The following TSPAN9 variants were observed in gnomAD, a reference collection of about 807,000 sequenced individuals.
TSPAN9 encodes the protein tetraspanin 9.
In TSPAN9, 16 loss-of-function variants were observed where a neutral mutation model predicts 31.0. The ratio of observed to expected loss-of-function variants is 0.52; its 90% CI spans 0.35 to 0.78. The LOEUF is 0.78. Among genes scored for constraint, TSPAN9 ranks in the 30% least tolerant of loss-of-function variants. The pLI, the probability that TSPAN9 is intolerant of heterozygous loss-of-function variation, is 0.01. For missense variants in TSPAN9, 272 were observed against 312.5 expected, an observed-to-expected ratio of 0.87 and a Z score of 0.98; for synonymous variants, 145 against 121.6, an observed-to-expected ratio of 1.19 and a Z score of -1.27.
intron 2 of TSPAN9, among the ~76,000 whole-genome samples, chr12:3,183,798 G>C (rs779049986): frequency 6.6e-6 from 1 of 152,170 alleles, no homozygotes; most frequent in Non-Finnish European, 1.5e-5. Context: ...GAAGACCCGG[G>C]TTCCAGTCTA....
At chr12:3,090,768 GTAATGAGGAA>G (rs1443753506) in intron 2 of TSPAN9, among the ~76,000 whole-genome samples, 1 of 151,668 alleles carries the variant, frequency 6.6e-6, no homozygotes, top group South Asian at 2.1e-4. Context: ...GACCCCACAG[GTAATGAGGAA>G]TAATGAGGAA....
intron 3 of TSPAN9, among the ~76,000 whole-genome samples, chr12:3,242,369 C>A (rs949338757): frequency 6.6e-6 from 1 of 152,214 alleles, no homozygotes; most frequent in African/African-American, 2.4e-5. Flanking sequence ...ATGCCTGGAG[C>A]CCTGGGATGC....
rs2098351458 is a variant in TSPAN9 at position 3,170,971 on chromosome 12, CCA to C, written c.-17-30204_-17-30203del. Among the ~76,000 whole-genome samples the C allele has an allele frequency of 6.6e-6, 1 of 152,136 alleles. No homozygotes were observed. The highest frequency in any genetic ancestry group is 1.5e-5 in the Non-Finnish European group (1 of 68,026). On this transcript the variant is annotated intron_variant, in intron 2 of 8. Coordinates refer to ENST00000011898, the MANE Select transcript of TSPAN9 (RefSeq NM_006675.5). The surrounding 1 kb of genome is among the most constrained non-coding windows in gnomAD (Gnocchi z 4.4). ...ACTGAAAAGCACACTCGTTGCCTCC[CCA>C]CTCCTGTGTTCCTTTGTAGATCAAC... is the stretch of plus-strand genomic sequence containing the variant.
chr12:3,188,116 G>T (rs1056357587), intron 2 of TSPAN9, among the ~76,000 whole-genome samples: 1 of 152,066 alleles, frequency 6.6e-6, no homozygotes, highest in Non-Finnish European at 1.5e-5. Flanking sequence ...GGGGTGAAAG[G>T]TTCCAAAGAC....
Position 3,107,534 on chromosome 12 carries a change from C to A in TSPAN9, c.-18+23815C>A, listed in dbSNP as rs901644544. Among the ~76,000 whole-genome samples the A allele has an allele frequency of 3.3e-5, 5 of 152,158 alleles. No individual in the cohort carries two copies. The highest frequency in any genetic ancestry group is 1.2e-4 in the African/African-American group (5 of 41,432). On this transcript the variant is annotated intron_variant, in intron 2 of 8. Transcript: ENST00000011898. This position sits in a 1 kb window ranked among gnomAD's most constrained non-coding sequence, Gnocchi z 4.1. Reference sequence around the variant, plus strand: ...GGACAGCAGACCCCCAGTCCAGCCCCCCTATCCCTGTGCCCTTCATCTGGG... The same window carrying A: ...GGACAGCAGACCCCCAGTCCAGCCCACCTATCCCTGTGCCCTTCATCTGGG...
chr12:3,182,755 C>T (rs118175286), intron 2 of TSPAN9, among the ~76,000 whole-genome samples: 7 of 152,216 alleles, frequency 4.6e-5, no homozygotes, highest in East Asian at 1.9e-4. Context: ...GACCACCAGG[C>T]GGGGATCTGT....
chr12:3,151,050 C>T (rs370148103), intron 2 of TSPAN9: 1 of 152,264 alleles, frequency 6.6e-6, no homozygotes, highest in Admixed American at 6.5e-5. Flanking sequence ...CTAGCACTTC[C>T]TGGAGATCAG....
intron 2 of TSPAN9, among the ~76,000 whole-genome samples, chr12:3,186,270 C>A (rs538194700): frequency 1.3e-5 from 2 of 152,228 alleles, no homozygotes; most frequent in South Asian, 2.1e-4. Context: ...TGAAACTGTT[C>A]GTAGCTTTGG....
At chr12:3,181,715 ACT>A (rs2098358671) in intron 2 of TSPAN9, among the ~76,000 whole-genome samples, 1 of 151,972 alleles carries the variant, frequency 6.6e-6, no homozygotes, top group Non-Finnish European at 1.5e-5. Context: ...TAGAACTGGG[ACT>A]CACACCTGGG....
intron 2 of TSPAN9, among the ~76,000 whole-genome samples, chr12:3,086,279 G>A (rs2098300440): frequency 6.6e-6 from 1 of 152,090 alleles, no homozygotes; most frequent in Admixed American, 6.5e-5. Flanking sequence ...CTGGAGTTGG[G>A]AGCACGATCC....
At chr12:3,111,028 T>C (rs2098318331) in intron 2 of TSPAN9, among the ~76,000 whole-genome samples, 1 of 152,218 alleles carries the variant, frequency 6.6e-6, no homozygotes, top group African/African-American at 2.4e-5. Flanking sequence ...CCGTAGTTCT[T>C]GTTCTGTAAA....
intron 3 of TSPAN9, among the ~76,000 whole-genome samples, chr12:3,249,832 C>A (rs1862213959): frequency 6.6e-6 from 1 of 152,212 alleles, no homozygotes; most frequent in Non-Finnish European, 1.5e-5. Flanking sequence ...GGATGTCAGA[C>A]TCCAAATCCC....
At chr12:3,169,987 TG>T (rs890769917) in intron 2 of TSPAN9, among the ~76,000 whole-genome samples, 43 of 113,410 alleles carry the variant, frequency 3.8e-4, no homozygotes, top group African/African-American at 1.4e-3. Flanking sequence ...AGAGCCCTGA[TG>T]GAGGAGTCAG....
intron 2 of TSPAN9, among the ~76,000 whole-genome samples, chr12:3,188,059 G>A (rs1451533732): frequency 1.3e-5 from 2 of 152,126 alleles, no homozygotes; most frequent in Non-Finnish European, 2.9e-5. Context: ...TAGGTGTCTC[G>A]CTTTTATCGA....
chr12:3,085,957 G>A (rs753633210), intron 2 of TSPAN9, among the ~76,000 whole-genome samples: 30 of 152,236 alleles, frequency 2.0e-4, no homozygotes, highest in Non-Finnish European at 4.1e-4. Context: ...GTGGCGAGTG[G>A]CGGGGTCCTA....
intron 8 of TSPAN9, 118 bp from the exon 9 acceptor site, chr12:3,282,927 A>T: frequency 1.1e-6 from 1 of 927,448 alleles, no homozygotes; most frequent in Admixed American, 2.2e-5. Flanking sequence ...TTTTCCTGGC[A>T]CACCAGTGGC....
At chr12:3,212,067 G>A (rs113958792) in intron 3 of TSPAN9, 1 of 577,872 alleles carries the variant, frequency 1.7e-6, no homozygotes, top group Non-Finnish European at 3.0e-6. Context: ...TGCCTCCCAG[G>A]TTCAAGCAAT....
At chr12:3,079,067 C>T (rs553749576) in intron 1 of TSPAN9, among the ~76,000 whole-genome samples, 12 of 151,778 alleles carry the variant, frequency 7.9e-5, no homozygotes, top group African/African-American at 2.4e-4. Flanking sequence ...GCAACCCCCG[C>T]GTCCCAGGTT....
chr12:3,102,992 A>G (rs1033723963), intron 2 of TSPAN9, among the ~76,000 whole-genome samples: 4 of 152,208 alleles, frequency 2.6e-5, no homozygotes, highest in Admixed American at 2.6e-4. Context: ...ACTTGCTGTT[A>G]GGTGGGAGAG....
Sources: gnomAD v4.1 joint callset for allele counts (sites outside exome capture counted in the v4.1 genomes callset) on GRCh38, gnomAD v4.1.1 for gene constraint, Gnocchi (gnomAD v3.1) non-coding constraint, MANE v1.5 for transcripts, NCBI Gene and HGNC (gene_info 2026-07-23, HGNC 2026-07-21) for gene names.